FGD3: variants seen among roughly 807,000 people sequenced by gnomAD.
The protein encoded by FGD3 is FYVE, RhoGEF and PH domain-containing protein 3.
Under a neutral mutation model 71.8 loss-of-function variants are expected in FGD3, and 45 were observed. That is an observed-to-expected ratio of 0.63 (90% CI 0.49 to 0.80). The LOEUF (loss-of-function observed/expected upper bound fraction) is 0.80, where lower values mean the gene tolerates loss of function less well. Among genes scored for constraint, FGD3 ranks in the 30% least tolerant of loss-of-function variants. The probability of loss-of-function intolerance (pLI) is 0.00; values close to 1 mark genes in which losing one functional copy is unlikely to be tolerated. For synonymous variants in FGD3, 378 were observed against 392.8 expected, an observed-to-expected ratio of 0.96 and a Z score of 0.44; for missense variants, 844 against 951.5, an observed-to-expected ratio of 0.89 and a Z score of 1.49.
At chr9:92,948,261 T>G (rs1015197184) in intron 1 of FGD3, among the ~76,000 whole-genome samples, 1 of 152,186 alleles carries the variant, frequency 6.6e-6, no homozygotes, top group African/African-American at 2.4e-5. Context: ...TTCTTGCCAC[T>G]CGGCATTTCC....
intron 3 of FGD3, among the ~76,000 whole-genome samples, chr9:92,977,394 G>T (rs923187253): frequency 6.6e-6 from 1 of 152,166 alleles, no homozygotes; most frequent in African/African-American, 2.4e-5. Context: ...CTGTGGGTAT[G>T]GGGGGCACAG....
chr9:92,990,877 T>A (rs1408475661), intron 3 of FGD3, among the ~76,000 whole-genome samples: 1 of 152,206 alleles, frequency 6.6e-6, no homozygotes, highest in Admixed American at 6.5e-5. Flanking sequence ...GGCCTGTAGT[T>A]TTCTTTTTTG....
intron 3 of FGD3, among the ~76,000 whole-genome samples, chr9:92,996,525 A>C (rs1860651267): frequency 6.6e-6 from 1 of 151,968 alleles, no homozygotes; most frequent in African/African-American, 2.4e-5. Context: ...CTAGCTTTTG[A>C]ATGTGTTTGC....
At chr9:93,031,394 G>A (rs1015794151) in intron 15 of FGD3, among the ~76,000 whole-genome samples, 5 of 152,168 alleles carry the variant, frequency 3.3e-5, no homozygotes, top group African/African-American at 4.8e-5. Flanking sequence ...TGGAGTGAGC[G>A]TCCTCATGGC....
chr9:92,952,069 C>T (rs903240430), intron 1 of FGD3, among the ~76,000 whole-genome samples: 2 of 152,152 alleles, frequency 1.3e-5, no homozygotes, highest in African/African-American at 2.4e-5. Flanking sequence ...AGGAATAATT[C>T]GTGGCCCTAA....
In FGD3 at chr9:92,956,834, C is replaced by CTTTTTTTTTTTTTT. The variant is rs34469364; in HGVS notation, c.-218+9108_-218+9109insTTTTTTTTTTTTTT. Among the ~76,000 whole-genome samples the CTTTTTTTTTTTTTT allele has an allele frequency of 3.1e-5, 4 of 127,748 alleles. 2 individuals are homozygous for CTTTTTTTTTTTTTT. The highest frequency in any genetic ancestry group is 1.6e-4 in the Admixed American group (2 of 12,174). 83.8% of individuals were successfully genotyped at this position (127,748 alleles called of 152,430 possible). On this transcript the variant is annotated intron_variant, in intron 1 of 17. Coordinates refer to ENST00000375482, the MANE Select transcript of FGD3 (RefSeq NM_001083536.2). ...TGAGATCCATCCATATAATTGCTTT[C>CTTTTTTTTTTTTTT]TTTCTTTTTTTTTTTTTTTTTGAAG...
chr9:92,952,134 T>G (rs1228740717), intron 1 of FGD3, among the ~76,000 whole-genome samples: 1 of 152,206 alleles, frequency 6.6e-6, no homozygotes, highest in East Asian at 1.9e-4. Context: ...TATCCCTGGT[T>G]TCCAACTCAT....
intron 1 of FGD3, among the ~76,000 whole-genome samples, chr9:92,963,282 A>G (rs1859207892): frequency 6.6e-6 from 1 of 152,084 alleles, no homozygotes; most frequent in Non-Finnish European, 1.5e-5. Context: ...GCCCAGAGAA[A>G]TTGCTTTTAT....
rs534479919 is a variant in FGD3 at position 92,992,884 on chromosome 9, T to G, written c.454-10041T>G. Among the ~76,000 whole-genome samples, 7 of 152,256 alleles carry G rather than the reference T, an allele frequency of 4.6e-5. No homozygotes were observed. The South Asian group carries it at 1.5e-3, about 32-fold the overall frequency. On this transcript the variant is annotated intron_variant, in intron 3 of 17. Transcript: ENST00000375482. ...CTTGGGGCTTGCGAGGACTGTGGGA[T>G]TCTCTTGTGTTATACTTTTTCCCTG...
chr9:93,020,699 G>T (rs1276186604), intron 13 of FGD3: 3 of 404,140 alleles, frequency 7.4e-6, no homozygotes, highest in Non-Finnish European at 1.4e-5. Flanking sequence ...CTCCTGTGCT[G>T]CTGTGTGGTT....
At chr9:92,952,626 A>G (rs959754273) in intron 1 of FGD3, among the ~76,000 whole-genome samples, 11 of 151,960 alleles carry the variant, frequency 7.2e-5, no homozygotes, top group Non-Finnish European at 1.5e-4. Context: ...ATGAAGGTTG[A>G]GCAAGTGTGG....
intron 6 of FGD3, among the ~76,000 whole-genome samples, chr9:93,009,980 T>C (rs1861242243): frequency 6.6e-6 from 1 of 152,176 alleles, no homozygotes; most frequent in Admixed American, 6.5e-5. Context: ...ATTTATTTTC[T>C]CCACCGAGGA....
intron 13 of FGD3, 111 bp downstream of exon 13, chr9:93,020,535 C>G: frequency 1.2e-6 from 1 of 821,598 alleles, no homozygotes; most frequent in Non-Finnish European, 2.0e-6. Flanking sequence ...TTTCCTCCTG[C>G]TACACCAGGG....
intron 12 of FGD3, among the ~76,000 whole-genome samples, 167 bp downstream of exon 12, chr9:93,020,028 T>A (rs1041918883): frequency 6.6e-6 from 1 of 152,234 alleles, no homozygotes; most frequent in African/African-American, 2.4e-5. Context: ...CAGCTTCAGA[T>A]GCCACAAGCC....
At position 92,969,601 on chromosome 9, in the gene FGD3, G is replaced by T. The variant is rs113599854; in HGVS notation, c.-217-5637G>T. Among the ~76,000 whole-genome samples the T allele has an allele frequency of 0.01, 1,543 of 152,286 alleles. 27 individuals carry two copies. The highest frequency in any genetic ancestry group is 0.035 in the African/African-American group (1,470 of 41,566). ...GGGCCACTCCAGCGACAGGACAAGG[G>T]AGGTCCCTGCCTACTAGGTTCCAGG... On this transcript the variant is annotated intron_variant, in intron 1 of 17. Transcript: ENST00000375482. This position sits in a 1 kb window ranked among gnomAD's most constrained non-coding sequence, Gnocchi z 4.5.
At chr9:93,009,985 C>A (rs550142807) in intron 6 of FGD3, among the ~76,000 whole-genome samples, 2 of 152,186 alleles carry the variant, frequency 1.3e-5, no homozygotes, top group Non-Finnish European at 2.9e-5. Context: ...TTTTCTCCAC[C>A]GAGGATGCGT....
At position 93,035,414 on chromosome 9, in the gene FGD3, CG is replaced by C. The variant is rs764167733; in HGVS notation, c.2007del (p.His670MetfsTer14). 5.3e-5 allele frequency: 86 copies of C among 1,611,888 alleles called. No homozygotes were observed. Among genetic ancestry groups the C allele is most frequent in the Non-Finnish European group, 6.6e-5 (78 of 1,179,364 alleles). Reference sequence around the variant, plus strand: ...CCGGACCCTGAGGAGAGGCTGGACTCGGGGCATGTGTGGAAGCTGCAGTGGG... The same window carrying C: ...CCGGACCCTGAGGAGAGGCTGGACTCGGGCATGTGTGGAAGCTGCAGTGGG... ...SVPDPEERLD[S>X]GHVWKLQWAK... On this transcript the variant is annotated frameshift_variant, in exon 18 of 18. Transcript: ENST00000375482. LOFTEE classifies it low-confidence loss of function (END_TRUNC).
intron 14 of FGD3, among the ~76,000 whole-genome samples, chr9:93,029,145 C>T (rs530954273): frequency 6.6e-6 from 1 of 151,890 alleles, no homozygotes; most frequent in East Asian, 1.9e-4. Context: ...AATTCTCCTG[C>T]CTCAGCCTCC....
intron 16 of FGD3, chr9:93,033,960 C>T (rs1241043082): frequency 1.3e-5 from 2 of 152,322 alleles, no homozygotes; most frequent in African/African-American, 2.4e-5. Flanking sequence ...ATTTAAATAC[C>T]GAGGTGTGTT....
Sources: allele counts gnomAD v4.1 joint callset (sites outside exome capture counted in the v4.1 genomes callset), GRCh38; gene constraint gnomAD v4.1.1; non-coding constraint Gnocchi (gnomAD v3.1); transcripts MANE v1.5; gene names NCBI Gene and HGNC (gene_info 2026-07-23, HGNC 2026-07-21).